Variants in CNTNAP2 observed in about 807,000 individuals in gnomAD.
CNTNAP2 encodes contactin associated protein 2.
CNTNAP2 carries 98 observed loss-of-function variants against 155.2 expected under a neutral mutation model. That is an observed-to-expected ratio of 0.63 (90% CI 0.54 to 0.75). The LOEUF is 0.75. CNTNAP2 is among the 30% of genes least tolerant of loss of function. The pLI, the probability that CNTNAP2 is intolerant of heterozygous loss-of-function variation, is 0.00. For synonymous variants in CNTNAP2, 651 were observed against 631.2 expected, an observed-to-expected ratio of 1.03 and a Z score of -0.47; for missense variants, 1,727 against 1,688.1, an observed-to-expected ratio of 1.02 and a Z score of -0.40.
chr7:148,059,804 C>T (rs1026211514), intron 15 of CNTNAP2, among the ~76,000 whole-genome samples: 2 of 150,228 alleles, frequency 1.3e-5, no homozygotes. Context: ...ATACATATAA[C>T]TTGATACAAA....
At chr7:148,387,895 TAAAACCATCA>T (rs1799253352) in intron 22 of CNTNAP2, among the ~76,000 whole-genome samples, 1 of 146,288 alleles carries the variant, frequency 6.8e-6, no homozygotes, top group East Asian at 1.9e-4. Context: ...AGAAGCCAGC[TAAAACCATCA>T]AAACCAAGAT....
At chr7:146,409,834 G>C (rs550918814) in intron 1 of CNTNAP2, among the ~76,000 whole-genome samples, 3 of 152,248 alleles carry the variant, frequency 2.0e-5, no homozygotes, top group African/African-American at 7.2e-5. Context: ...TAATGCACCA[G>C]AAATTACAGT....
At chr7:146,933,103 G>A (rs1361311058) in intron 3 of CNTNAP2, among the ~76,000 whole-genome samples, 1 of 151,892 alleles carries the variant, frequency 6.6e-6, no homozygotes, top group Non-Finnish European at 1.5e-5. Context: ...AGTTCATATG[G>A]CACCAAAAAA....
chr7:146,884,502 A>G (rs553948116), intron 3 of CNTNAP2, among the ~76,000 whole-genome samples: 1 of 152,088 alleles, frequency 6.6e-6, no homozygotes, highest in Non-Finnish European at 1.5e-5. Context: ...ACTGAGTGAG[A>G]TGTTTCCTAC....
intron 1 of CNTNAP2, among the ~76,000 whole-genome samples, chr7:146,759,546 TTAGC>T (rs1459684930): frequency 1.3e-5 from 2 of 151,516 alleles, no homozygotes; most frequent in Non-Finnish European, 2.9e-5. Context: ...ACAAAAAAAA[TTAGC>T]TAGGTGTGGT....
chr7:146,357,648 T>C (rs1045679986), intron 1 of CNTNAP2, among the ~76,000 whole-genome samples: 2 of 152,198 alleles, frequency 1.3e-5, no homozygotes, highest in African/African-American at 4.8e-5. Flanking sequence ...AATGTCTCTA[T>C]TAACATTTCT....
At chr7:147,041,359 C>T (rs1799256033) in intron 3 of CNTNAP2, among the ~76,000 whole-genome samples, 1 of 152,102 alleles carries the variant, frequency 6.6e-6, no homozygotes, top group East Asian at 1.9e-4. Flanking sequence ...GAGAGACATA[C>T]AGGGGAAAGG....
intron 15 of CNTNAP2, among the ~76,000 whole-genome samples, chr7:148,116,016 G>A (rs781480496): frequency 4.6e-5 from 7 of 151,856 alleles, no homozygotes; most frequent in South Asian, 2.1e-4. Context: ...GTGTGTGCCT[G>A]TAATCCCAGC....
At chr7:147,404,087 C>T (rs773464837) in intron 10 of CNTNAP2, among the ~76,000 whole-genome samples, 8 of 152,090 alleles carry the variant, frequency 5.3e-5, no homozygotes, top group Non-Finnish European at 7.3e-5. Flanking sequence ...TATTTCATTA[C>T]GCATACTGTA....
At chr7:146,745,641 C>G (rs1801796482) in intron 1 of CNTNAP2, among the ~76,000 whole-genome samples, 1 of 151,946 alleles carries the variant, frequency 6.6e-6, no homozygotes, top group African/African-American at 2.4e-5. Flanking sequence ...GTGGTGCACA[C>G]CTGTAATCCC....
intron 16 of CNTNAP2, among the ~76,000 whole-genome samples, chr7:148,145,435 C>G (rs1805159983): frequency 6.6e-6 from 1 of 152,186 alleles, no homozygotes. Flanking sequence ...TTCATCATAG[C>G]AGTAGGAGAA....
At position 147,144,911 on chromosome 7, in the gene CNTNAP2, A is replaced by T. The variant is rs187079781; in HGVS notation, c.1348+12402A>T. On this transcript the variant is annotated intron_variant, in intron 8 of 23. Transcript: ENST00000361727. ...GTGCAGGAGTACATGCATGCTTTTTAAAAAATCCTCTAATCTTTGATGAAG... is the reference window on the plus strand; with the variant it reads ...GTGCAGGAGTACATGCATGCTTTTTTAAAAATCCTCTAATCTTTGATGAAG... Among the ~76,000 whole-genome samples the T allele has an allele frequency of 3.6e-3, 550 of 152,232 alleles. 2 individuals carry two copies. Among genetic ancestry groups the T allele is most frequent in the African/African-American group, 7.3e-3 (303 of 41,552 alleles).
intron 13 of CNTNAP2, among the ~76,000 whole-genome samples, chr7:147,874,025 C>A (rs948173620): frequency 4.6e-5 from 7 of 152,204 alleles, no homozygotes; most frequent in African/African-American, 1.7e-4. Flanking sequence ...CAAAGGTTGG[C>A]TCACACAGCC....
intron 8 of CNTNAP2, among the ~76,000 whole-genome samples, chr7:147,177,245 T>C (rs1348712215): frequency 6.6e-6 from 1 of 152,044 alleles, no homozygotes; most frequent in African/African-American, 2.4e-5. Context: ...TCACCTTGAA[T>C]TGTAATAATC....
chr7:146,157,531 C>G (rs923836895), intron 1 of CNTNAP2, among the ~76,000 whole-genome samples: 14 of 152,160 alleles, frequency 9.2e-5, no homozygotes, highest in African/African-American at 3.4e-4. Context: ...GGGACACTCC[C>G]ACTCTAATAC....
At chr7:147,727,693 A>G (rs1796666553) in intron 13 of CNTNAP2, among the ~76,000 whole-genome samples, 1 of 151,452 alleles carries the variant, frequency 6.6e-6, no homozygotes, top group African/African-American at 2.4e-5. Flanking sequence ...CCAGATTCTC[A>G]TCACTAAGCA....
intron 1 of CNTNAP2, among the ~76,000 whole-genome samples, chr7:146,210,108 A>G (rs1009931082): frequency 4.6e-5 from 7 of 152,110 alleles, no homozygotes; most frequent in Non-Finnish European, 2.9e-5. Context: ...AGACATTTTG[A>G]GTAACTCTGG....
intron 3 of CNTNAP2, among the ~76,000 whole-genome samples, chr7:146,881,244 G>A (rs542614105): frequency 1.3e-5 from 2 of 152,168 alleles, no homozygotes; most frequent in African/African-American, 2.4e-5. Flanking sequence ...GTTTTCTCAA[G>A]AATAAACTGA....
Position 147,553,641 on chromosome 7 carries a change from A to C in CNTNAP2, c.1778-8497A>C, listed in dbSNP as rs151141866. Among the ~76,000 whole-genome samples, 633 of 152,224 alleles carry C rather than the reference A, an allele frequency of 4.2e-3. 6 individuals carry two copies. The highest frequency in any genetic ancestry group is 0.015 in the African/African-American group (608 of 41,522). ...TTTTTACTTTTTTCTTCCTAGGGCAAGGTATAGTGTTAGATACTACTACCA... is the reference window on the plus strand; with the variant it reads ...TTTTTACTTTTTTCTTCCTAGGGCACGGTATAGTGTTAGATACTACTACCA... On this transcript the variant is annotated intron_variant, in intron 11 of 23. Transcript: ENST00000361727.
Sources: allele counts gnomAD v4.1 joint callset (sites outside exome capture counted in the v4.1 genomes callset), GRCh38; gene constraint gnomAD v4.1.1; transcripts MANE v1.5; gene names NCBI Gene and HGNC (gene_info 2026-07-23, HGNC 2026-07-21).